CCDC50: variants seen among roughly 807,000 people sequenced by gnomAD.
CCDC50 encodes coiled-coil domain containing 50.
A neutral mutation model predicts 70.2 loss-of-function variants in CCDC50; 54 were observed. The ratio of observed to expected loss-of-function variants is 0.77; its 90% CI spans 0.62 to 0.96. The LOEUF (loss-of-function observed/expected upper bound fraction) is 0.96. Among genes scored for constraint, CCDC50 ranks in the 50% least tolerant of loss-of-function variants. The pLI, the probability that CCDC50 is intolerant of heterozygous loss-of-function variation, is 0.00. For missense variants in CCDC50, 558 were observed against 578.7 expected, an observed-to-expected ratio of 0.96 and a Z score of 0.37; for synonymous variants, 216 against 198.8, an observed-to-expected ratio of 1.09 and a Z score of -0.73.
In CCDC50 at chr3:191,396,394, T is replaced by C. The variant is rs1713857903; in HGVS notation, c.*4634T>C. On this transcript the variant is annotated 3_prime_UTR_variant, in exon 12 of 12. Transcript: ENST00000392455. ...TGTGGCTGATCTGTAACACAATAAA[T>C]ACATAATTTTATTTCATGTTGTCTG... 1.3e-5 allele frequency: 2 copies of C among 152,154 alleles called. No homozygotes were observed. Among genetic ancestry groups the C allele is most frequent in the African/African-American group, 4.8e-5 (2 of 41,446 alleles). 9.4% of individuals were successfully genotyped at this position (152,154 alleles called of 1,614,324 possible).
intron 3 of CCDC50, among the ~76,000 whole-genome samples, chr3:191,360,386 C>A (rs573977226): frequency 6.6e-6 from 1 of 152,314 alleles, no homozygotes; most frequent in African/African-American, 2.4e-5. Flanking sequence ...TACGGTGCTT[C>A]TACTTTCTTC....
intron 6 of CCDC50, among the ~76,000 whole-genome samples, chr3:191,377,418 G>A (rs1247139691): frequency 6.6e-6 from 1 of 152,104 alleles, no homozygotes; most frequent in African/African-American, 2.4e-5. Flanking sequence ...GAAAGGGACT[G>A]CAAAATAAAA....
Position 191,380,865 on chromosome 3 carries a change from C to T in CCDC50, c.1175C>T (p.Ala392Val), listed in dbSNP as rs1279445821. The T allele has an allele frequency of 1.2e-6, 2 of 1,612,826 alleles. No homozygotes were observed. The highest frequency in any genetic ancestry group is 2.2e-5 in the South Asian group (2 of 91,042). The change falls in exon 9 of 12, where the codon GCT (alanine) becomes GTT (valine). Residue 392 changes from alanine (A) to valine (V), a missense_variant. By Grantham distance (64) the Ala-to-Val change is moderately conservative. Transcript: ENST00000392455. ...ARLLMAEEKK[A>V]YKKAKEREKS... ...CTTCTAATGGCTGAAGAAAAGAAAG[C>T]TTACAAAAAAGCCAAGGAGCGGGAG...
chr3:191,337,404 T>C (rs1206426503), intron 1 of CCDC50, among the ~76,000 whole-genome samples: 1 of 150,584 alleles, frequency 6.6e-6, no homozygotes, highest in Non-Finnish European at 1.5e-5. Flanking sequence ...CTCTCTCTCT[T>C]TTTTTTTTAA....
chr3:191,336,078 G>T (rs1408476798), intron 1 of CCDC50, among the ~76,000 whole-genome samples: 1 of 149,654 alleles, frequency 6.7e-6, no homozygotes, highest in Non-Finnish European at 1.5e-5. Flanking sequence ...GAACATATGA[G>T]TTTTCAGTTT....
intron 4 of CCDC50, 70 bp from the exon 5 acceptor site, chr3:191,369,849 C>G: frequency 8.9e-7 from 1 of 1,122,886 alleles, no homozygotes; most frequent in Non-Finnish European, 1.4e-6. Flanking sequence ...AGTGGAATGT[C>G]AAGCCCCACC....
intron 1 of CCDC50, among the ~76,000 whole-genome samples, chr3:191,338,077 AT>A (rs1203727580): frequency 6.6e-6 from 1 of 152,006 alleles, no homozygotes; most frequent in Non-Finnish European, 1.5e-5. Context: ...AGGCTTAGTC[AT>A]TTTCCATTAA....
At chr3:191,367,307 G>C (rs1322602516) in intron 4 of CCDC50, among the ~76,000 whole-genome samples, 2 of 151,824 alleles carry the variant, frequency 1.3e-5, no homozygotes, top group East Asian at 3.9e-4. Context: ...GCTTCCATTA[G>C]GACTAAATTC....
At chr3:191,339,094 A>G (rs1188356725) in intron 1 of CCDC50, among the ~76,000 whole-genome samples, 1 of 152,186 alleles carries the variant, frequency 6.6e-6, no homozygotes, top group African/African-American at 2.4e-5. Context: ...ATATAAGGGG[A>G]GACAGTTGTG....
rs1473534457 is a variant in CCDC50, at chr3:191,329,949, G to C, written c.49+226G>C. Among the ~76,000 whole-genome samples, 107 of 142,996 alleles carry C rather than the reference G, an allele frequency of 7.5e-4. 3 individuals are homozygous for C. Among genetic ancestry groups the C allele is most frequent in the Middle Eastern group, 3.6e-3 (1 of 280 alleles). 93.8% of individuals were successfully genotyped at this position (142,996 alleles called of 152,430 possible). A position where few individuals can be genotyped will look rare whatever the true frequency, so the allele number is the denominator to read the frequency against. On this transcript the variant is annotated intron_variant, in intron 1 of 11. Transcript: ENST00000392455. Reference sequence around the variant, plus strand: ...TTTTCTCAAGGGGGTGGTTGGGGGGGGGGGGGGCTAGCAGCAGCCCCAGCA... The same window carrying C: ...TTTTCTCAAGGGGGTGGTTGGGGGGCGGGGGGGCTAGCAGCAGCCCCAGCA...
In CCDC50 at chr3:191,397,687, A is replaced by G. The variant is rs1713905178; in HGVS notation, c.*5927A>G. The G allele has an allele frequency of 6.6e-6, 1 of 150,752 alleles. No individual in the cohort carries two copies. Among genetic ancestry groups the G allele is most frequent in the Admixed American group, 6.6e-5 (1 of 15,146 alleles). The allele number at this position is 150,752 out of a possible 1,614,324, so 9.3% of individuals were successfully genotyped here. On this transcript the variant is annotated 3_prime_UTR_variant, in exon 12 of 12. Coordinates refer to ENST00000392455, the MANE Select transcript of CCDC50 (RefSeq NM_178335.3). ...AGAAACGTGATCTCTTGAGAGAGAG[A>G]CTACGCATTGCCTGGGCACTTTCAG...
At chr3:191,334,211 T>A (rs147931743) in intron 1 of CCDC50, among the ~76,000 whole-genome samples, 145 of 152,266 alleles carry the variant, frequency 9.5e-4, no homozygotes, top group African/African-American at 3.5e-3. Flanking sequence ...ATGAACATGA[T>A]CTTTGCTGTG....
At chr3:191,334,061 G>A in intron 1 of CCDC50, among the ~76,000 whole-genome samples, 1 of 151,996 alleles carries the variant, frequency 6.6e-6, no homozygotes, top group Admixed American at 6.6e-5. Context: ...GTAATAATAG[G>A]TTTAATTTTT....
At chr3:191,363,349 A>G (rs1006159899) in intron 4 of CCDC50, among the ~76,000 whole-genome samples, 3 of 152,218 alleles carry the variant, frequency 2.0e-5, no homozygotes, top group Non-Finnish European at 4.4e-5. Context: ...TGTGGTATAC[A>G]TGAAACATGT....
chr3:191,347,709 T>C (rs1330732990), intron 1 of CCDC50, among the ~76,000 whole-genome samples: 2 of 142,038 alleles, frequency 1.4e-5, no homozygotes, highest in African/African-American at 2.5e-5. Flanking sequence ...AGGCAACATA[T>C]CCTTTCATTA....
At chr3:191,357,003 A>G in intron 1 of CCDC50, 85 bp from the exon 2 acceptor site, 1 of 846,710 alleles carries the variant, frequency 1.2e-6, no homozygotes, top group Non-Finnish European at 2.0e-6. Flanking sequence ...GATTTTTTTT[A>G]AAGTAAAAAA....
At chr3:191,353,133 C>G (rs929997623) in intron 1 of CCDC50, among the ~76,000 whole-genome samples, 4 of 142,092 alleles carry the variant, frequency 2.8e-5, no homozygotes, top group African/African-American at 1.0e-4. Context: ...CTCTTCTAAG[C>G]AATGAGGCAG....
In CCDC50 at chr3:191,375,122, T is replaced by C. The variant is rs777114610; in HGVS notation, c.509T>C (p.Leu170Pro). The change falls in exon 6 of 12, where the codon CTC (leucine) becomes CCC (proline). Residue 170 changes from leucine to proline, a missense_variant. Leu to Pro is a moderately conservative substitution (Grantham distance 98). Transcript: ENST00000392455. ...TCTGGATTCTCAAGACCTTGTAGAC[T>C]CCAAAGAGATGGAAAGACTGTGAAG... ...LGSGFSRPCR[L>P]QRDGKTVKHK... The C allele has an allele frequency of 1.2e-6, 2 of 1,613,532 alleles. No homozygotes were observed. Among genetic ancestry groups the C allele is most frequent in the East Asian group, 2.2e-5 (1 of 44,868 alleles).
chr3:191,359,334 G>A (rs1171649756), intron 3 of CCDC50, among the ~76,000 whole-genome samples: 5 of 152,158 alleles, frequency 3.3e-5, no homozygotes. Flanking sequence ...TCTCACGTTA[G>A]CTGCAAGAAG....
Sources: gnomAD v4.1 joint callset for allele counts (sites outside exome capture counted in the v4.1 genomes callset) on GRCh38, gnomAD v4.1.1 for gene constraint, MANE v1.5 for transcripts, NCBI Gene and HGNC (gene_info 2026-07-23, HGNC 2026-07-21) for gene names.